Variants in ASAP2 observed in about 807,000 individuals in gnomAD.
The protein encoded by ASAP2 is ArfGAP with SH3 domain, ankyrin repeat and PH domain 2.
A neutral mutation model predicts 131.4 loss-of-function variants in ASAP2; 45 were observed. The observed-to-expected ratio is 0.34, with a 90% confidence interval of 0.27 to 0.44. The LOEUF (loss-of-function observed/expected upper bound fraction) is 0.44. Among genes scored for constraint, ASAP2 ranks in the 20% least tolerant of loss-of-function variants. The pLI, the probability that ASAP2 is intolerant of heterozygous loss-of-function variation, is 1.00. For synonymous variants in ASAP2, 510 were observed against 503.0 expected (o/e 1.01, Z -0.19); for missense variants, 1,011 against 1,297.0 (o/e 0.78, Z 3.39).
At chr2:9,244,297 AAAC>A (rs1472621069) in intron 1 of ASAP2, among the ~76,000 whole-genome samples, 3 of 152,358 alleles carry the variant, frequency 2.0e-5, no homozygotes, top group African/African-American at 4.8e-5. Flanking sequence ...CCCTGTCTCA[AAAC>A]AACAACAATA....
At chr2:9,233,813 A>G (rs79922391) in intron 1 of ASAP2, among the ~76,000 whole-genome samples, 5 of 152,290 alleles carry the variant, frequency 3.3e-5, no homozygotes, top group African/African-American at 1.2e-4. Flanking sequence ...CCCCATGTTT[A>G]AAGAAGAGGG....
At position 9,254,541 on chromosome 2, in the gene ASAP2, T is replaced by A. The variant is rs1317786509; in HGVS notation, c.127-24776T>A. Among the ~76,000 whole-genome samples the A allele has an allele frequency of 8.5e-5, 12 of 141,888 alleles. No individual in the cohort carries two copies. In the South Asian group the frequency reaches 2.7e-3, roughly 32 times the overall value. The allele number at this position is 141,888 out of a possible 152,430, so 93.1% of individuals were successfully genotyped here. A position where few individuals can be genotyped will look rare whatever the true frequency, so the allele number is the denominator to read the frequency against. ...CTAATTTTTGGATTTTTTTTTTTTT[T>A]TTTTTTTTTTTTAGTAGAGACGGGG... is the stretch of plus-strand genomic sequence containing the variant. On this transcript the variant is annotated intron_variant, in intron 1 of 27. Transcript: ENST00000281419.
At chr2:9,293,569 A>G (rs1389888249) in intron 2 of ASAP2, among the ~76,000 whole-genome samples, 3 of 152,216 alleles carry the variant, frequency 2.0e-5, no homozygotes, top group Non-Finnish European at 4.4e-5. Flanking sequence ...GTTTTTGGCA[A>G]AAGAAAAACA....
In ASAP2 at chr2:9,297,369, A is replaced by G. The variant is rs1668214234; in HGVS notation, c.269A>G (p.Asp90Gly). Residue 90 changes from aspartate to glycine, a missense_variant, in exon 3 of 28, where the codon GAT becomes GGT. Around this residue, in one of 2 missense-constraint regions of ASAP2, gnomAD observed 359 missense variants for 598.1 expected, o/e 0.60. Transcript: ENST00000281419. Reference protein sequence around the residue: ...EKFGGNCVCRDDPDLGSAFLK... With the variant: ...EKFGGNCVCRGDPDLGSAFLK... ...TTTGGCGGCAACTGTGTATGCAGAG[A>G]TGACCCAGATTTAGGAAGTGCGTTC... is the stretch of plus-strand genomic sequence containing the variant. The G allele has an allele frequency of 6.2e-7, 1 of 1,614,062 alleles. No individual in the cohort carries two copies. The highest frequency in any genetic ancestry group is 1.7e-5 in the Admixed American group (1 of 59,998).
chr2:9,307,874 G>A (rs982978542), intron 3 of ASAP2, among the ~76,000 whole-genome samples: 3 of 152,324 alleles, frequency 2.0e-5, no homozygotes, highest in Middle Eastern at 3.4e-3. Context: ...TGCCAGGGAC[G>A]GGCTGGGCGC....
intron 21 of ASAP2, among the ~76,000 whole-genome samples, chr2:9,387,400 T>A (rs1467851356): frequency 6.6e-6 from 1 of 152,186 alleles, no homozygotes; most frequent in Admixed American, 6.5e-5. Flanking sequence ...GACATGGCTA[T>A]GTTCCAATAA....
At chr2:9,381,230 T>C (rs1674814453) in intron 20 of ASAP2, among the ~76,000 whole-genome samples, 1 of 152,200 alleles carries the variant, frequency 6.6e-6, no homozygotes, top group African/African-American at 2.4e-5. Context: ...CATCTTTTCC[T>C]GTTCTGGAAG....
intron 2 of ASAP2, among the ~76,000 whole-genome samples, chr2:9,283,607 T>C (rs947831521): frequency 6.6e-6 from 1 of 152,166 alleles, no homozygotes; most frequent in Admixed American, 6.5e-5. Flanking sequence ...CACACTGCAT[T>C]GCTCTGACAC....
intron 1 of ASAP2, among the ~76,000 whole-genome samples, chr2:9,241,964 CAT>C (rs57470511): frequency 0.048 from 7,368 of 152,232 alleles, 192 homozygotes; most frequent in Middle Eastern, 0.12. Flanking sequence ...CAGGCGGACA[CAT>C]GTGAATTTCA....
intron 23 of ASAP2, 112 bp downstream of exon 23, chr2:9,391,308 G>C (rs373982694): frequency 3.5e-6 from 5 of 1,416,208 alleles, no homozygotes; most frequent in South Asian, 1.4e-5. Flanking sequence ...CAAGTGCCCC[G>C]TGTTGTATGG....
At chr2:9,365,777 C>T (rs970621177) in intron 15 of ASAP2, among the ~76,000 whole-genome samples, 1 of 152,212 alleles carries the variant, frequency 6.6e-6, no homozygotes, top group Non-Finnish European at 1.5e-5. Flanking sequence ...CTTATTGACT[C>T]ATCGCTACCT....
chr2:9,400,019 G>A lies in ASAP2; in HGVS notation c.2685-4G>A, dbSNP rs1006257641. 1.9e-6 allele frequency: 3 copies of A among 1,613,248 alleles called. No homozygotes were observed. The highest frequency in any genetic ancestry group is 2.5e-6 in the Non-Finnish European group (3 of 1,179,618). On this transcript the variant is annotated splice_region_variant and splice_polypyrimidine_tract_variant and intron_variant, in intron 24 of 27. Transcript: ENST00000281419. The stretch of plus-strand genomic sequence containing the variant: ...GTAAATCTACTTTTTCCCTGTCTTT[G>A]TAGGGCTGACAAGTCCACCCCACTG...
At chr2:9,274,274 C>T (rs2148279420) in intron 1 of ASAP2, among the ~76,000 whole-genome samples, 1 of 147,660 alleles carries the variant, frequency 6.8e-6, no homozygotes, top group South Asian at 2.2e-4. Flanking sequence ...ACTTCCAGTG[C>T]TGTTTTTATA....
chr2:9,391,302 T>G (rs1423141040), intron 23 of ASAP2, 106 bp downstream of exon 23: 1 of 1,454,692 alleles, frequency 6.9e-7, no homozygotes, highest in Admixed American at 2.1e-5. Flanking sequence ...ACGTGCCAAG[T>G]GCCCCGTGTT....
chr2:9,304,335 A>G (rs1179922908), intron 3 of ASAP2, among the ~76,000 whole-genome samples: 1 of 152,132 alleles, frequency 6.6e-6, no homozygotes, highest in Non-Finnish European at 1.5e-5. Flanking sequence ...ATTGCTGGCT[A>G]TTAAAGGGAC....
chr2:9,316,968 C>CT (rs1459827600), intron 3 of ASAP2, among the ~76,000 whole-genome samples: 1 of 126,280 alleles, frequency 7.9e-6, no homozygotes, highest in African/African-American at 3.1e-5. Context: ...CACACACCCC[C>CT]CGTCACACCC....
chr2:9,365,056 A>G (rs746909056), intron 15 of ASAP2, among the ~76,000 whole-genome samples: 1 of 152,232 alleles, frequency 6.6e-6, no homozygotes, highest in Non-Finnish European at 1.5e-5. Context: ...GCACCAAAGC[A>G]TGTACTTACT....
At chr2:9,248,769 A>G (rs1307656233) in intron 1 of ASAP2, among the ~76,000 whole-genome samples, 1 of 152,066 alleles carries the variant, frequency 6.6e-6, no homozygotes, top group Non-Finnish European at 1.5e-5. Context: ...GTATATTTCA[A>G]TTAGATGGCA....
intron 1 of ASAP2, among the ~76,000 whole-genome samples, chr2:9,250,629 A>G (rs879791055): frequency 1.3e-5 from 2 of 152,226 alleles, no homozygotes; most frequent in Non-Finnish European, 2.9e-5. Context: ...ACAAGTAACT[A>G]TCGGACAAGG....
Sources: allele counts gnomAD v4.1 joint callset (sites outside exome capture counted in the v4.1 genomes callset), GRCh38; gene constraint gnomAD v4.1.1; regional missense constraint gnomAD v4.1.1; transcripts MANE v1.5; gene names NCBI Gene and HGNC (gene_info 2026-07-23, HGNC 2026-07-21).